Variants in FOXP2 observed in about 807,000 individuals in gnomAD.
The protein encoded by FOXP2 is forkhead box P2.
In FOXP2, 12 loss-of-function variants were observed where a neutral mutation model predicts 115.8. The ratio of observed to expected loss-of-function variants is 0.10; its 90% CI spans 0.07 to 0.17. FOXP2 has a LOEUF of 0.17. Among genes scored for constraint, FOXP2 ranks in the 10% least tolerant of loss-of-function variants. The probability of loss-of-function intolerance (pLI) is 1.00; values close to 1 mark genes in which losing one functional copy is unlikely to be tolerated. For synonymous variants in FOXP2, 328 were observed against 297.7 expected (o/e 1.10, Z -1.05); for missense variants, 629 against 843.5 (o/e 0.75, Z 3.15).
At chr7:114,265,787 C>T (rs980548145) in intron 1 of FOXP2, among the ~76,000 whole-genome samples, 1 of 152,118 alleles carries the variant, frequency 6.6e-6, no homozygotes, top group African/African-American at 2.4e-5. Flanking sequence ...GCACTCTGTG[C>T]ACCCACAGGC....
intron 3 of FOXP2, among the ~76,000 whole-genome samples, chr7:114,577,692 C>T (rs557534097): frequency 4.0e-4 from 60 of 151,886 alleles, no homozygotes; most frequent in African/African-American, 1.3e-3. Context: ...TGGAAGAAAC[C>T]ATCTCCTCTT....
chr7:114,333,547 G>A (rs1427997778), intron 2 of FOXP2, among the ~76,000 whole-genome samples: 1 of 152,206 alleles, frequency 6.6e-6, no homozygotes, highest in African/African-American at 2.4e-5. Flanking sequence ...GAGACCAGGA[G>A]TTCGAGATCA....
chr7:114,543,521 G>A (rs1799780642), intron 3 of FOXP2, among the ~76,000 whole-genome samples: 1 of 150,630 alleles, frequency 6.6e-6, no homozygotes, highest in African/African-American at 2.5e-5. Context: ...TTTGCCCTGT[G>A]ATTAATTTTA....
intron 1 of FOXP2, among the ~76,000 whole-genome samples, chr7:114,105,694 G>A (rs1791092544): frequency 6.6e-6 from 1 of 151,970 alleles, no homozygotes; most frequent in Non-Finnish European, 1.5e-5. Context: ...TAGAATCTGA[G>A]GTAAAGCTTT....
intron 1 of FOXP2, among the ~76,000 whole-genome samples, chr7:114,150,858 A>G (rs1483848615): frequency 6.6e-6 from 1 of 152,014 alleles, no homozygotes; most frequent in Non-Finnish European, 1.5e-5. Flanking sequence ...TTGTATTTAC[A>G]TGACAGCCTG....
chr7:114,198,968 TAATCA>T (rs1401804869), intron 1 of FOXP2, among the ~76,000 whole-genome samples: 1 of 152,200 alleles, frequency 6.6e-6, no homozygotes, highest in Admixed American at 6.5e-5. Flanking sequence ...GGCCTTCAAC[TAATCA>T]GATTAGTCTC....
At chr7:114,415,629 A>T (rs1039232639) in intron 1 of FOXP2, among the ~76,000 whole-genome samples, 1 of 151,032 alleles carries the variant, frequency 6.6e-6, no homozygotes, top group Non-Finnish European at 1.5e-5. Flanking sequence ...CTTTTGTATT[A>T]AAAAAAAATC....
At chr7:114,228,560 A>G (rs1015121177) in intron 1 of FOXP2, among the ~76,000 whole-genome samples, 3 of 151,970 alleles carry the variant, frequency 2.0e-5, no homozygotes, top group African/African-American at 7.2e-5. Context: ...AAGAAATTGC[A>G]GCATGAAGAT....
At chr7:114,116,090 A>ACT (rs1791400501) in intron 1 of FOXP2, among the ~76,000 whole-genome samples, 1 of 152,196 alleles carries the variant, frequency 6.6e-6, no homozygotes, top group South Asian at 2.1e-4. Context: ...AAATTTTAAA[A>ACT]TAGACAGAGT....
chr7:114,564,014 G>T (rs913195947), intron 3 of FOXP2, among the ~76,000 whole-genome samples: 7 of 152,088 alleles, frequency 4.6e-5, no homozygotes, highest in African/African-American at 1.2e-4. Context: ...ATCTTAGGCT[G>T]CCAGCCAATT....
In FOXP2 at chr7:114,326,062, C is replaced by CGT. The variant is rs1464572514; in HGVS notation, c.-11+37953_-11+37954insGT. Among the ~76,000 whole-genome samples, 9 of 152,206 alleles carry CGT rather than the reference C, an allele frequency of 5.9e-5. No homozygotes were observed. The East Asian group carries it at 1.5e-3, about 26-fold the overall frequency. On this transcript the variant is annotated intron_variant, in intron 2 of 17. Coordinates refer to the FOXP2 transcript ENST00000634411. ...TCAGTAAAATCAATCGTAAGAGGTG[C>CGT]TAACACATTGCATTTGTCGTTAGAA... is the stretch of plus-strand genomic sequence containing the variant.
At chr7:114,460,004 A>G (rs1360290508) in intron 2 of FOXP2, among the ~76,000 whole-genome samples, 2 of 152,178 alleles carry the variant, frequency 1.3e-5, no homozygotes, top group African/African-American at 2.4e-5. Context: ...TTTTTAGTAT[A>G]ATGCCCTAGT....
intron 2 of FOXP2, among the ~76,000 whole-genome samples, chr7:114,459,676 T>A (rs1795474462): frequency 6.6e-6 from 1 of 152,182 alleles, no homozygotes; most frequent in Non-Finnish European, 1.5e-5. Context: ...AATGTAGTGG[T>A]GTGATCTCGG....
intron 3 of FOXP2, among the ~76,000 whole-genome samples, chr7:114,617,609 TGTG>T (rs1804019244): frequency 6.6e-6 from 1 of 152,056 alleles, no homozygotes; most frequent in Non-Finnish European, 1.5e-5. Context: ...GTCTGGCCAA[TGTG>T]GTGAAACCCC....
chr7:114,561,697 A>G lies in FOXP2; in HGVS notation c.258+26991A>G, dbSNP rs541382127. Among the ~76,000 whole-genome samples the G allele has an allele frequency of 8.5e-5, 13 of 152,360 alleles. No homozygotes were observed. The South Asian group carries it at 2.5e-3, about 29-fold the overall frequency. ...TTTACACTAATCCATGAAGAAAACA[A>G]ACATAAAAATTATAAACATTCATGA... is the stretch of plus-strand genomic sequence containing the variant. On this transcript the variant is annotated intron_variant, in intron 3 of 16. Transcript: ENST00000350908.
intron 1 of FOXP2, among the ~76,000 whole-genome samples, chr7:114,274,091 T>C (rs1796126412): frequency 6.6e-6 from 1 of 152,030 alleles, no homozygotes; most frequent in South Asian, 2.1e-4. Context: ...TTCTTTTTTT[T>C]TCTTTTTATT....
In FOXP2 at chr7:114,628,608, G is replaced by A. The variant is rs142280302; in HGVS notation, c.327G>A (p.Gln109=). 2 of 1,613,928 alleles carry A rather than the reference G, an allele frequency of 1.2e-6. No homozygotes were observed. The highest frequency in any genetic ancestry group is 2.7e-5 in the African/African-American group (2 of 74,894). Residue 109 remains glutamine, a synonymous_variant, in exon 4 of 17, where the codon CAG becomes CAA. Transcript: ENST00000350908. ...CTCAGCAAATGCAGCAGATCCTTCA[G>A]CAACAAGTCCTGTCTCCTCAGCAGC... is the stretch of plus-strand genomic sequence containing the variant. ...ITPQQMQQIL[Q]QQVLSPQQLQ...
chr7:114,103,109 AG>A (rs2129140984), intron 1 of FOXP2, among the ~76,000 whole-genome samples: 1 of 152,224 alleles, frequency 6.6e-6, no homozygotes, highest in Admixed American at 6.6e-5. Context: ...CAAAAATGTG[AG>A]AAATGTCTCC....
chr7:114,684,906 A>G (rs1022075837), intron 16 of FOXP2, among the ~76,000 whole-genome samples: 1 of 152,148 alleles, frequency 6.6e-6, no homozygotes, highest in Non-Finnish European at 1.5e-5. Flanking sequence ...GTAATATACT[A>G]GTTGGTTCAT....
Sources: gnomAD v4.1 joint callset for allele counts (sites outside exome capture counted in the v4.1 genomes callset) on GRCh38, gnomAD v4.1.1 for gene constraint, MANE v1.5 for transcripts, NCBI Gene and HGNC (gene_info 2026-07-23, HGNC 2026-07-21) for gene names.